LRRC37A2: variants seen among roughly 807,000 people sequenced by gnomAD.
LRRC37A2 encodes leucine-rich repeat-containing protein 37A2.
LRRC37A2 carries 9 observed loss-of-function variants against 68.8 expected under a neutral mutation model. The observed-to-expected ratio is 0.13, with a 90% CI of 0.08 to 0.23. The LOEUF (loss-of-function observed/expected upper bound fraction) is 0.23, where lower values mean the gene tolerates loss of function less well. Ranked by LOEUF, LRRC37A2 falls within the 10% of genes least tolerant of loss-of-function variation. The probability of loss-of-function intolerance (pLI) is 1.00; values close to 1 mark genes in which losing one functional copy is unlikely to be tolerated. For missense variants in LRRC37A2, 168 were observed against 950.4 expected (o/e 0.18, Z 10.82); for synonymous variants, 63 against 367.6 (o/e 0.17, Z 9.48).
the LRRC37A2 span, among the ~76,000 whole-genome samples, chr17:47,035,740 G>A: frequency 6.6e-6 from 1 of 152,202 alleles, no homozygotes; most frequent in Non-Finnish European, 1.5e-5. Flanking sequence ...CTGTCAGGCT[G>A]ATTTCCACAG....
At chr17:46,891,627 G>A in the LRRC37A2 span, among the ~76,000 whole-genome samples, 3 of 152,102 alleles carry the variant, frequency 2.0e-5, no homozygotes, top group Non-Finnish European at 2.9e-5. Context: ...TTGTCTGTAC[G>A]GAACACCAGG....
At chr17:46,893,224 G>A in the LRRC37A2 span, among the ~76,000 whole-genome samples, 3 of 152,152 alleles carry the variant, frequency 2.0e-5, no homozygotes, top group African/African-American at 4.8e-5. Flanking sequence ...ATGAGCCACC[G>A]CGCTTGGCTA....
At chr17:46,918,703 A>G in the LRRC37A2 span, among the ~76,000 whole-genome samples, 2 of 152,058 alleles carry the variant, frequency 1.3e-5, no homozygotes, top group Admixed American at 6.5e-5. Context: ...CTGAACCACA[A>G]GGGTCATTGG....
the LRRC37A2 span, among the ~76,000 whole-genome samples, chr17:46,887,220 A>G: frequency 6.6e-6 from 1 of 152,210 alleles, no homozygotes; most frequent in Non-Finnish European, 1.5e-5. Context: ...CTATCTCCTG[A>G]TAATTAATGA....
the LRRC37A2 span, chr17:46,949,025 T>C: frequency 6.6e-6 from 1 of 152,242 alleles, no homozygotes; most frequent in Non-Finnish European, 1.5e-5. Context: ...TGTGATCCAC[T>C]GCTGTGTAAC....
the LRRC37A2 span, among the ~76,000 whole-genome samples, chr17:46,569,288 T>A: frequency 6.7e-6 from 1 of 150,162 alleles, no homozygotes; most frequent in South Asian, 2.1e-4. Flanking sequence ...GAATAAGGAC[T>A]AGGTGCTAGA....
At chr17:46,951,134 C>T in the LRRC37A2 span, among the ~76,000 whole-genome samples, 6 of 152,216 alleles carry the variant, frequency 3.9e-5, no homozygotes, top group Non-Finnish European at 5.9e-5. Context: ...CTCTCCACAC[C>T]CCTCAGTTAT....
At chr17:46,770,596 T>C in the LRRC37A2 span, among the ~76,000 whole-genome samples, 2 of 152,040 alleles carry the variant, frequency 1.3e-5, no homozygotes, top group East Asian at 3.9e-4. Flanking sequence ...TTTTGTAAAA[T>C]GGACACGGCT....
chr17:46,870,991 G>T, the LRRC37A2 span, among the ~76,000 whole-genome samples: 2 of 142,358 alleles, frequency 1.4e-5, no homozygotes, highest in Non-Finnish European at 3.0e-5. Flanking sequence ...GCTCACTGCA[G>T]CCTCCACCTC....
At chr17:46,633,893 CAG>C in the LRRC37A2 span, among the ~76,000 whole-genome samples, 4 of 98,146 alleles carry the variant, frequency 4.1e-5, no homozygotes, top group Admixed American at 2.3e-4. Flanking sequence ...TTTTTTGAGA[CAG>C]AGTTTCACTC....
chr17:46,931,180 C>A, the LRRC37A2 span: 6 of 1,597,794 alleles, frequency 3.8e-6, no homozygotes, highest in Admixed American at 1.7e-5. Context: ...AGCAAGGAGC[C>A]CCCTAACAAA....
At chr17:46,861,242 T>C in the LRRC37A2 span, among the ~76,000 whole-genome samples, 1 of 152,220 alleles carries the variant, frequency 6.6e-6, no homozygotes, top group African/African-American at 2.4e-5. Flanking sequence ...CTTGGCTCAT[T>C]AGCTAATTTT....
chr17:46,981,152 G>C, the LRRC37A2 span, among the ~76,000 whole-genome samples: 4 of 152,226 alleles, frequency 2.6e-5, no homozygotes, highest in Non-Finnish European at 4.4e-5. Flanking sequence ...TGACAGTGAA[G>C]TGGGAGACAA....
chr17:46,904,956 A>G, the LRRC37A2 span, among the ~76,000 whole-genome samples: 1 of 151,872 alleles, frequency 6.6e-6, no homozygotes, highest in Non-Finnish European at 1.5e-5. Flanking sequence ...GGAGTTGTCC[A>G]CCCCCACCGT....
At chr17:46,881,642 G>T in the LRRC37A2 span, among the ~76,000 whole-genome samples, 1 of 152,030 alleles carries the variant, frequency 6.6e-6, no homozygotes, top group African/African-American at 2.4e-5. Flanking sequence ...TCCCAAACAG[G>T]CCCGCAGACC....
At chr17:46,837,190 C>A in the LRRC37A2 span, among the ~76,000 whole-genome samples, 37 of 152,120 alleles carry the variant, frequency 2.4e-4, no homozygotes, top group South Asian at 4.1e-3. Context: ...ATCTGCCCGC[C>A]GCGGCCCCCC....
At chr17:47,014,400 A>AG in the LRRC37A2 span, among the ~76,000 whole-genome samples, 2 of 118,186 alleles carry the variant, frequency 1.7e-5, no homozygotes, top group African/African-American at 5.6e-5. Context: ...GAGAAAAAAA[A>AG]AAAAAAAAGA....
chr17:46,745,037 CTG>C, the LRRC37A2 span, among the ~76,000 whole-genome samples: 4 of 35,384 alleles, frequency 1.1e-4, no homozygotes, highest in Admixed American at 4.4e-4. Context: ...GGTTATCACT[CTG>C]TGCTTTTTTT....
chr17:46,413,599 G>GTTATT, the LRRC37A2 span, among the ~76,000 whole-genome samples: 1 of 55,834 alleles, frequency 1.8e-5, no homozygotes, highest in African/African-American at 4.8e-5. Flanking sequence ...AAACATTGGG[G>GTTATT]TTATTTTATT....
Sources: allele counts gnomAD v4.1 joint callset (sites outside exome capture counted in the v4.1 genomes callset), GRCh38; gene constraint gnomAD v4.1.1; transcripts MANE v1.5; gene names NCBI Gene and HGNC (gene_info 2026-07-23, HGNC 2026-07-21).